UROS: variants seen among roughly 807,000 people sequenced by gnomAD.
The protein encoded by UROS is uroporphyrinogen-III synthase.
A neutral mutation model predicts 33.0 loss-of-function variants in UROS; 18 were observed. The observed-to-expected ratio is 0.55, with a 90% CI of 0.38 to 0.81. The LOEUF is 0.81. Ranked by LOEUF, UROS falls within the 30% of genes least tolerant of loss-of-function variation. The pLI is 0.00. For missense variants in UROS, 293 were observed against 314.9 expected (o/e 0.93, Z 0.53); for synonymous variants, 114 against 121.1 (o/e 0.94, Z 0.38).
intron 5 of UROS, among the ~76,000 whole-genome samples, chr10:125,808,358 T>C (rs1852513316): frequency 1.3e-5 from 2 of 148,362 alleles, no homozygotes; most frequent in South Asian, 4.4e-4. Context: ...TTTTAACTTA[T>C]GGATCATTAA....
At chr10:125,786,199 G>T (rs1430515734), downstream of UROS, among the ~76,000 whole-genome samples, 1 of 151,958 alleles carries the variant, frequency 6.6e-6, no homozygotes, top group Non-Finnish European at 1.5e-5. Context: ...GGAATAGCTG[G>T]ATCTATTAAA....
At chr10:125,821,515 GAA>G (rs1166997152) in intron 1 of UROS, among the ~76,000 whole-genome samples, 5 of 152,244 alleles carry the variant, frequency 3.3e-5, no homozygotes, top group African/African-American at 9.6e-5. Context: ...TTTGCTAGAT[GAA>G]AAGAGTTCTG....
Position 125,823,171 on chromosome 10 carries a change from C to A in UROS, c.-169G>T. On this transcript the variant is annotated 5_prime_UTR_variant, in exon 1 of 10. Coordinates refer to ENST00000368797, the MANE Select transcript of UROS (RefSeq NM_000375.3). The stretch of plus-strand genomic sequence containing the variant: ...CCTCCCCACGCAGCCCGAGGGGCCG[C>A]GGCGGCCACCCGCGCCGGGCCCCAG... The A allele has an allele frequency of 5.8e-6, 1 of 173,548 alleles. No individual in the cohort carries two copies. Among genetic ancestry groups the A allele is most frequent in the Non-Finnish European group, 1.2e-5 (1 of 82,164 alleles). 10.8% of individuals were successfully genotyped at this position (173,548 alleles called of 1,614,324 possible).
intron 6 of UROS, chr10:125,802,818 T>G: frequency 6.8e-7 from 1 of 1,470,206 alleles, no homozygotes; most frequent in African/African-American, 1.4e-5. Flanking sequence ...CGAGGCCCTG[T>G]GCGCTCCTGG....
rs117926090 is a variant in UROS, at chr10:125,807,469, T to A, written c.338A>T (p.Asp113Val). ...TASLVSKIGL[D>V]TEGETCGNAE... ...ATTTCCACAGGTTTCTCCTTCTGTATCCAGGCCAATTTTACTCACTGGAAA... is the reference window on the plus strand; with the variant it reads ...ATTTCCACAGGTTTCTCCTTCTGTAACCAGGCCAATTTTACTCACTGGAAA... Residue 113 changes from aspartate to valine, a missense_variant, in exon 6 of 10, where the codon GAT becomes GTT. By Grantham distance (152) the Asp-to-Val change is radical. Coordinates refer to ENST00000368797, the MANE Select transcript of UROS (RefSeq NM_000375.3). 12,665 of 1,614,038 alleles carry A rather than the reference T, an allele frequency of 7.8e-3. 171 individuals are homozygous for A. Among genetic ancestry groups the A allele is most frequent in the South Asian group, 0.042 (3,795 of 91,084 alleles).
At chr10:125,799,971 T>G (rs747405775) in intron 6 of UROS, among the ~76,000 whole-genome samples, 27 of 152,160 alleles carry the variant, frequency 1.8e-4, no homozygotes, top group Non-Finnish European at 2.9e-4. Flanking sequence ...GACACAGAGA[T>G]AGTGAACTGT....
At chr10:125,809,398 T>C (rs978869629) in intron 5 of UROS, among the ~76,000 whole-genome samples, 3 of 152,232 alleles carry the variant, frequency 2.0e-5, no homozygotes, top group Non-Finnish European at 4.4e-5. Flanking sequence ...ATCTTTGCTT[T>C]TTCAATAAAA....
At chr10:125,802,337 C>T (rs1589958643) in intron 6 of UROS, 1 of 985,998 alleles carries the variant, frequency 1.0e-6, no homozygotes, top group Non-Finnish European at 1.2e-6. Flanking sequence ...TCTGTGGCTT[C>T]CCTGCAGCTA....
intron 2 of UROS, 65 bp downstream of exon 2, chr10:125,816,372 C>T: frequency 1.9e-6 from 3 of 1,608,982 alleles, no homozygotes; most frequent in Non-Finnish European, 2.6e-6. Flanking sequence ...CCCATCCCTG[C>T]CTGCTCCAGG....
rs1852010390 is a variant in UROS, at chr10:125,803,430, G to GC, written c.394+3982dup. Among the ~76,000 whole-genome samples, 5 of 152,354 alleles carry GC rather than the reference G, an allele frequency of 3.3e-5. No homozygotes were observed. The South Asian group carries it at 1.0e-3, about 32-fold the overall frequency. On this transcript the variant is annotated intron_variant, in intron 6 of 9. Transcript: ENST00000368797. ...GCTGTGGGAAGACGGCTCCTTCAAG[G>GC]CAAGACCTGCCACAGCACCCCAGGC...
chr10:125,810,116 G>A (rs1436164916), intron 5 of UROS, among the ~76,000 whole-genome samples: 1 of 152,178 alleles, frequency 6.6e-6, no homozygotes, highest in Non-Finnish European at 1.5e-5. Flanking sequence ...CTCTTGACTA[G>A]AGGGCTTGTG....
intron 1 of UROS, chr10:125,819,751 G>C (rs1243127714): frequency 6.5e-6 from 1 of 153,200 alleles, no homozygotes; most frequent in Non-Finnish European, 1.5e-5. Context: ...GGTTTCCTCT[G>C]CCTTTTTTTC....
chr10:125,793,560 G>A (rs998296803), intron 9 of UROS: 3 of 152,052 alleles, frequency 2.0e-5, no homozygotes, highest in Non-Finnish European at 4.4e-5. Flanking sequence ...TCTTTTATGG[G>A]GCAGGTACGG....
At chr10:125,787,081 G>C (rs550712115), downstream of UROS, among the ~76,000 whole-genome samples, 113 of 152,362 alleles carry the variant, frequency 7.4e-4, no homozygotes, top group African/African-American at 2.5e-3. Flanking sequence ...CACTCCATCT[G>C]AAACAAGGCT....
At chr10:125,810,666 C>T (rs1852726932) in intron 5 of UROS, among the ~76,000 whole-genome samples, 2 of 152,168 alleles carry the variant, frequency 1.3e-5, no homozygotes, top group Admixed American at 1.3e-4. Context: ...GCTGTTGGTG[C>T]TCAACTTCTG....
chr10:125,815,675 C>A (rs754336168), intron 3 of UROS, among the ~76,000 whole-genome samples: 5 of 152,216 alleles, frequency 3.3e-5, no homozygotes, highest in Non-Finnish European at 7.3e-5. Context: ...CTTTACTGGA[C>A]TTGTCTCCTG....
intron 9 of UROS, among the ~76,000 whole-genome samples, chr10:125,789,700 T>A (rs906323484): frequency 6.6e-6 from 1 of 152,216 alleles, no homozygotes; most frequent in Non-Finnish European, 1.5e-5. Context: ...ACTGGCCTCA[T>A]CCACAGGACA....
chr10:125,823,190 G>A lies in UROS; in HGVS notation c.-188C>T, dbSNP rs958129072. On this transcript the variant is annotated 5_prime_UTR_variant, in exon 1 of 10. Transcript: ENST00000368797. The stretch of plus-strand genomic sequence containing the variant: ...GGGCCGCGGCGGCCACCCGCGCCGG[G>A]CCCCAGGACCCCGCACCTCAGACTG... The A allele has an allele frequency of 1.7e-5, 3 of 180,808 alleles. No homozygotes were observed. Among genetic ancestry groups the A allele is most frequent in the South Asian group, 1.6e-4 (1 of 6,370 alleles). 11.2% of individuals were successfully genotyped at this position (180,808 alleles called of 1,614,324 possible).
chr10:125,795,969 G>A lies in UROS; in HGVS notation c.561+134C>T, dbSNP rs113066762. On this transcript the variant is annotated intron_variant, in intron 8 of 9. Transcript: ENST00000368797. ...GAATCCCAGACCAACTATGTGACAG[G>A]AAAAGGCATGCAGGTGACAGCTGGG... The A allele has an allele frequency of 4.0e-4, 331 of 821,510 alleles. No individual in the cohort carries two copies. The African/African-American group carries it at 4.4e-3, about 11-fold the overall frequency. 50.9% of individuals were successfully genotyped at this position (821,510 alleles called of 1,614,324 possible).
Sources: gnomAD v4.1 joint callset for allele counts (sites outside exome capture counted in the v4.1 genomes callset) on GRCh38, gnomAD v4.1.1 for gene constraint, MANE v1.5 for transcripts, NCBI Gene and HGNC (gene_info 2026-07-23, HGNC 2026-07-21) for gene names.